Variants in SH2D4A observed in about 807,000 individuals in gnomAD.
SH2D4A encodes SH2 domain containing 4A.
In SH2D4A, 70 loss-of-function variants were observed where a neutral mutation model predicts 64.7. That is an observed-to-expected ratio of 1.08 (90% CI 0.89 to 1.32). The LOEUF is 1.32. SH2D4A is among the 40% of genes most tolerant of loss of function. The pLI is 0.00. For missense variants in SH2D4A, 706 were observed against 540.1 expected, an observed-to-expected ratio of 1.31 and a Z score of -3.04; for synonymous variants, 268 against 200.7, an observed-to-expected ratio of 1.34 and a Z score of -2.83.
intron 4 of SH2D4A, among the ~76,000 whole-genome samples, chr8:19,351,632 AAAAC>A (rs2052707189): frequency 6.6e-6 from 1 of 152,080 alleles, no homozygotes; most frequent in Non-Finnish European, 1.5e-5. Context: ...AACAAAAACA[AAAAC>A]AAAAATAAAC....
At chr8:19,374,342 T>G (rs1187438347) in intron 8 of SH2D4A, among the ~76,000 whole-genome samples, 1 of 152,144 alleles carries the variant, frequency 6.6e-6, no homozygotes, top group African/African-American at 2.4e-5. Context: ...TCAAGAAAAG[T>G]GAGTGGCTTC....
intron 5 of SH2D4A, among the ~76,000 whole-genome samples, chr8:19,358,492 A>G (rs770225652): frequency 6.6e-6 from 1 of 152,180 alleles, no homozygotes; most frequent in Non-Finnish European, 1.5e-5. Flanking sequence ...CTGGGAAGGC[A>G]GTATTGGAGC....
intron 8 of SH2D4A, among the ~76,000 whole-genome samples, chr8:19,377,062 C>T (rs2053207675): frequency 6.6e-6 from 1 of 152,150 alleles, no homozygotes. Flanking sequence ...GCCATATTTA[C>T]TTCATATCTG....
At chr8:19,329,865 TTAAG>T (rs1373244514) in intron 2 of SH2D4A, among the ~76,000 whole-genome samples, 1 of 152,226 alleles carries the variant, frequency 6.6e-6, no homozygotes, top group African/African-American at 2.4e-5. Context: ...TCATGAAACT[TTAAG>T]TAATTAAACT....
At chr8:19,371,003 T>G (rs1045177069) in intron 7 of SH2D4A, among the ~76,000 whole-genome samples, 2 of 152,192 alleles carry the variant, frequency 1.3e-5, no homozygotes, top group East Asian at 1.9e-4. Flanking sequence ...CTGTACACTT[T>G]ACCTCCATTC....
At chr8:19,386,225 C>T (rs1044683727) in intron 8 of SH2D4A, among the ~76,000 whole-genome samples, 2 of 152,172 alleles carry the variant, frequency 1.3e-5, no homozygotes, top group Admixed American at 6.5e-5. Flanking sequence ...TATAAAATTG[C>T]CTAGTATTTG....
At chr8:19,334,536 A>G in intron 3 of SH2D4A, 150 bp from the exon 4 acceptor site, 1 of 748,558 alleles carries the variant, frequency 1.3e-6, no homozygotes, top group Non-Finnish European at 2.1e-6. Flanking sequence ...ACGTCTTTAC[A>G]CACCTAGCAA....
intron 2 of SH2D4A, among the ~76,000 whole-genome samples, chr8:19,324,086 T>C (rs1239186989): frequency 6.6e-6 from 1 of 152,252 alleles, no homozygotes; most frequent in Non-Finnish European, 1.5e-5. Context: ...GTGACTTTTA[T>C]GTGAAGGCGC....
intron 7 of SH2D4A, among the ~76,000 whole-genome samples, chr8:19,367,415 G>C (rs2053015224): frequency 6.6e-6 from 1 of 152,118 alleles, no homozygotes; most frequent in Admixed American, 6.5e-5. Context: ...TTTGTTTTTG[G>C]TTTGTCTTTT....
At chr8:19,366,990 G>C (rs10100016) in intron 7 of SH2D4A, among the ~76,000 whole-genome samples, 1 of 152,104 alleles carries the variant, frequency 6.6e-6, no homozygotes, top group African/African-American at 2.4e-5. Context: ...CGTTGTTTAT[G>C]ATGGTATGCT....
At chr8:19,374,824 T>A (rs1048990938) in intron 8 of SH2D4A, among the ~76,000 whole-genome samples, 2 of 152,134 alleles carry the variant, frequency 1.3e-5, no homozygotes, top group Non-Finnish European at 2.9e-5. Context: ...AGAAAGAACA[T>A]GGGCCAATTA....
chr8:19,371,672 C>T (rs910826590), intron 7 of SH2D4A, among the ~76,000 whole-genome samples: 4 of 152,144 alleles, frequency 2.6e-5, no homozygotes, highest in African/African-American at 9.7e-5. Flanking sequence ...CCTTTGTCTT[C>T]CTGAATTCCC....
At chr8:19,338,802 G>A (rs1250800726) in intron 4 of SH2D4A, among the ~76,000 whole-genome samples, 1 of 152,224 alleles carries the variant, frequency 6.6e-6, no homozygotes, top group Non-Finnish European at 1.5e-5. Context: ...ATTTGTTACA[G>A]CAGCAGTGGA....
At chr8:19,321,376 G>C (rs752809687) in intron 2 of SH2D4A, among the ~76,000 whole-genome samples, 2 of 152,186 alleles carry the variant, frequency 1.3e-5, no homozygotes, top group Non-Finnish European at 2.9e-5. Flanking sequence ...ACCACACCCA[G>C]CTAATTTTTG....
In SH2D4A at chr8:19,394,825, G is replaced by A. The variant is rs1272052127; in HGVS notation, c.*183G>A. 4.9e-6 allele frequency: 2 copies of A among 408,144 alleles called. No individual in the cohort carries two copies. The highest frequency in any genetic ancestry group is 1.6e-4 in the South Asian group (2 of 12,210). The allele number at this position is 408,144 out of a possible 1,614,324, so 25.3% of individuals were successfully genotyped here. A position where few individuals can be genotyped will look rare whatever the true frequency, so the allele number is the denominator to read the frequency against. ...TTCTGCACAAATACTGGAATTCAAT[G>A]TCAAGAGAAAATGACCTCTGCTCAA... On this transcript the variant is annotated 3_prime_UTR_variant, in exon 10 of 10. Transcript: ENST00000265807.
intron 4 of SH2D4A, among the ~76,000 whole-genome samples, chr8:19,336,392 A>T (rs2117217481): frequency 6.6e-6 from 1 of 152,274 alleles, no homozygotes; most frequent in South Asian, 2.1e-4. Context: ...TTTCATCTCA[A>T]GGTCAGCCCT....
intron 8 of SH2D4A, among the ~76,000 whole-genome samples, chr8:19,374,794 T>C (rs760394884): frequency 1.2e-4 from 18 of 152,008 alleles, no homozygotes; most frequent in Non-Finnish European, 1.9e-4. Flanking sequence ...GAGAGAGAGA[T>C]GATGGTGTCA....
At chr8:19,355,332 T>C (rs2153647369) in intron 4 of SH2D4A, among the ~76,000 whole-genome samples, 1 of 152,300 alleles carries the variant, frequency 6.6e-6, no homozygotes, top group East Asian at 1.9e-4. Flanking sequence ...CATCTTGGAC[T>C]TTTGAGCAGA....
chr8:19,344,542 T>G (rs1177505820), intron 4 of SH2D4A, among the ~76,000 whole-genome samples: 1 of 152,212 alleles, frequency 6.6e-6, no homozygotes, highest in African/African-American at 2.4e-5. Flanking sequence ...TGTGATTAGA[T>G]TGGGCCCACA....
Sources: gnomAD v4.1 joint callset for allele counts (sites outside exome capture counted in the v4.1 genomes callset) on GRCh38, gnomAD v4.1.1 for gene constraint, MANE v1.5 for transcripts, NCBI Gene and HGNC (gene_info 2026-07-23, HGNC 2026-07-21) for gene names.